ZNF248: variants seen among roughly 807,000 people sequenced by gnomAD.
ZNF248 encodes KRAB protein domain.
A neutral mutation model predicts 44.3 loss-of-function variants in ZNF248; 20 were observed. That is an observed-to-expected ratio of 0.45 (90% CI 0.32 to 0.66). The LOEUF (loss-of-function observed/expected upper bound fraction) is 0.66, where lower values mean the gene tolerates loss of function less well. Ranked by LOEUF, ZNF248 falls within the 30% of genes least tolerant of loss-of-function variation. The pLI is 0.04. For missense variants in ZNF248, 654 were observed against 677.0 expected (o/e 0.97, Z 0.38); for synonymous variants, 224 against 229.0 (o/e 0.98, Z 0.20).
chr10:37,816,317 G>A (rs1383160431), intron 6 of ZNF248, among the ~76,000 whole-genome samples: 1 of 152,212 alleles, frequency 6.6e-6, no homozygotes, highest in African/African-American at 2.4e-5. Flanking sequence ...AGCAATCAGT[G>A]ACTAGAGCAC....
chr10:37,796,094 T>A (rs1425300653), intron 6 of ZNF248: 1 of 152,212 alleles, frequency 6.6e-6, no homozygotes, highest in Non-Finnish European at 1.5e-5. Flanking sequence ...TAATTGGTTA[T>A]AGTCTGTCTA....
Position 37,854,061 on chromosome 10 carries a change from C to T in ZNF248, c.15+2235G>A, listed in dbSNP as rs543759637. 8.5e-5 allele frequency among the ~76,000 whole-genome samples: 13 copies of T among 152,258 alleles called. No individual in the cohort carries two copies. In the East Asian group the frequency reaches 2.5e-3, roughly 29 times the overall value. ...GGGGGGTGGAGTAAATGGAATGATA[C>T]TGTAGTAATTTAATTAAGTTTCTAC... On this transcript the variant is annotated intron_variant, in intron 3 of 5. Transcript: ENST00000395867.
At chr10:37,770,079 C>A in the ZNF248 span, among the ~76,000 whole-genome samples, 1 of 152,064 alleles carries the variant, frequency 6.6e-6, no homozygotes, top group African/African-American at 2.4e-5. Flanking sequence ...ATGTGAAGGA[C>A]CTCTTCAAGG....
intron 6 of ZNF248, among the ~76,000 whole-genome samples, chr10:37,812,852 C>A (rs1210327932): frequency 1.3e-5 from 2 of 152,016 alleles, no homozygotes; most frequent in Non-Finnish European, 2.9e-5. Flanking sequence ...AGGATGACAC[C>A]ACTGGCACTG....
At position 37,832,997 on chromosome 10, in the gene ZNF248, T is replaced by C. The variant is rs2056243890; in HGVS notation, c.358A>G (p.Ser120Gly). The C allele has an allele frequency of 6.2e-7, 1 of 1,613,674 alleles. No homozygotes were observed. The highest frequency in any genetic ancestry group is 1.3e-5 in the African/African-American group (1 of 74,918). The change falls in exon 6 of 6, where the codon AGC (serine) becomes GGC (glycine). Residue 120 changes from serine to glycine, a missense_variant. Physicochemically the swap from Ser to Gly is moderately conservative, Grantham distance 56. Transcript: ENST00000395867. ...TCTGTGCCCAAATTGAAAGTTTTGC[T>C]TCCTCTATCTCCATTTTCTACACTT... ...TVSVENGDRG[S>G]KTFNLGTDPV...
downstream of ZNF248, among the ~76,000 whole-genome samples, chr10:37,827,545 C>A (rs551904129): frequency 4.6e-5 from 7 of 152,112 alleles, no homozygotes; most frequent in Non-Finnish European, 8.8e-5. Context: ...CCTGGGAATG[C>A]AAGATCTGAG....
chr10:37,794,179 G>A (rs957215823), intron 6 of ZNF248: 2 of 152,112 alleles, frequency 1.3e-5, no homozygotes, highest in African/African-American at 2.4e-5. Flanking sequence ...GACATTTTCC[G>A]CTATGTGTGC....
intron 6 of ZNF248, among the ~76,000 whole-genome samples, chr10:37,776,780 G>A (rs970533508): frequency 6.6e-6 from 1 of 151,900 alleles, no homozygotes; most frequent in Admixed American, 6.6e-5. Context: ...ACACTCAGCC[G>A]CCCCCCACCC....
intron 6 of ZNF248, among the ~76,000 whole-genome samples, chr10:37,799,240 CT>C (rs748337881): frequency 1.1e-4 from 16 of 151,300 alleles, no homozygotes; most frequent in Non-Finnish European, 2.2e-4. Flanking sequence ...AATAAAAAAC[CT>C]AAAAAATGTA....
At chr10:37,760,558 G>T in the ZNF248 span, among the ~76,000 whole-genome samples, 206 of 152,292 alleles carry the variant, frequency 1.4e-3, 1 homozygote, top group African/African-American at 4.7e-3. Context: ...ATTATAGGCT[G>T]GGTGCAGTGG....
the ZNF248 span, among the ~76,000 whole-genome samples, chr10:37,771,359 C>G: frequency 6.6e-6 from 1 of 152,144 alleles, no homozygotes; most frequent in Non-Finnish European, 1.5e-5. Flanking sequence ...ATAGCAAAGA[C>G]TTGGAACCAA....
chr10:37,759,301 G>A, the ZNF248 span, among the ~76,000 whole-genome samples: 3 of 152,164 alleles, frequency 2.0e-5, no homozygotes, highest in African/African-American at 7.2e-5. Context: ...GTGGTTCTTG[G>A]TTTACTGACT....
At chr10:37,821,259 T>G (rs2053419940) in intron 6 of ZNF248, among the ~76,000 whole-genome samples, 1 of 148,366 alleles carries the variant, frequency 6.7e-6, no homozygotes, top group African/African-American at 2.6e-5. Flanking sequence ...TAGGATTTCC[T>G]TGGTTCTTAT....
At chr10:37,797,308 T>C (rs977998485) in intron 6 of ZNF248, among the ~76,000 whole-genome samples, 1 of 149,020 alleles carries the variant, frequency 6.7e-6, no homozygotes, top group Admixed American at 6.6e-5. Flanking sequence ...AACTCAAAAT[T>C]GATCAAAGAC....
At chr10:37,818,206 G>C (rs1370297475) in intron 6 of ZNF248, among the ~76,000 whole-genome samples, 1 of 152,168 alleles carries the variant, frequency 6.6e-6, no homozygotes, top group African/African-American at 2.4e-5. Flanking sequence ...ATGAGCCACT[G>C]TGCCCGGCCT....
intron 6 of ZNF248, among the ~76,000 whole-genome samples, chr10:37,808,600 C>A (rs1431264295): frequency 2.0e-5 from 3 of 152,100 alleles, no homozygotes; most frequent in African/African-American, 7.2e-5. Flanking sequence ...ACAATCTTTT[C>A]AACATGTTCC....
At chr10:37,762,954 ATG>A in the ZNF248 span, among the ~76,000 whole-genome samples, 1 of 152,198 alleles carries the variant, frequency 6.6e-6, no homozygotes, top group African/African-American at 2.4e-5. Context: ...TTTTAAAAAA[ATG>A]TGTGTCTAAC....
chr10:37,814,188 C>A (rs1208705), intron 6 of ZNF248, among the ~76,000 whole-genome samples: 9,106 of 152,112 alleles, frequency 0.06, 349 homozygotes, highest in Middle Eastern at 0.095. Flanking sequence ...TTCTCTACAG[C>A]TGTTTTGTTA....
At chr10:37,792,394 T>C (rs1293760511) in intron 6 of ZNF248, among the ~76,000 whole-genome samples, 1 of 152,046 alleles carries the variant, frequency 6.6e-6, no homozygotes, top group African/African-American at 2.4e-5. Flanking sequence ...GATAAACAAA[T>C]GAGAAAGAAC....
Sources: allele counts gnomAD v4.1 joint callset (sites outside exome capture counted in the v4.1 genomes callset), GRCh38; gene constraint gnomAD v4.1.1; transcripts MANE v1.5; gene names NCBI Gene and HGNC (gene_info 2026-07-23, HGNC 2026-07-21).